The following FLT4 variants were observed in gnomAD, a reference collection of about 807,000 sequenced individuals.
FLT4 encodes vascular endothelial growth factor receptor 3.
In FLT4, 30 loss-of-function variants were observed where a neutral mutation model predicts 163.2. That is an observed-to-expected ratio of 0.18 (90% CI 0.14 to 0.25). The LOEUF is 0.25. FLT4 is among the 10% of genes least tolerant of loss of function. The pLI is 1.00. For synonymous variants in FLT4, 884 were observed against 789.5 expected, an observed-to-expected ratio of 1.12 and a Z score of -2.01; for missense variants, 1,510 against 1,863.8, an observed-to-expected ratio of 0.81 and a Z score of 3.50.
At position 180,621,258 on chromosome 5, in the gene FLT4, G is replaced by A; in HGVS notation, c.2021-6C>T. ...GAGCCGAGGGGCTTCCAGGGCTGGG[G>A]GCAGGGGTCGAGAGGGAGCTAAGTG... is the stretch of plus-strand genomic sequence containing the variant. On this transcript the variant is annotated splice_polypyrimidine_tract_variant and splice_region_variant and intron_variant, in intron 13 of 29. Transcript: ENST00000261937. 1 of 1,611,234 alleles carries A rather than the reference G, an allele frequency of 6.2e-7. No homozygotes were observed. The highest frequency in any genetic ancestry group is 1.7e-5 in the Admixed American group (1 of 59,986).
At chr5:180,628,620 C>T (rs983740549) in intron 8 of FLT4, among the ~76,000 whole-genome samples, 2 of 152,226 alleles carry the variant, frequency 1.3e-5, no homozygotes, top group African/African-American at 2.4e-5. Context: ...AAAAGCCCCT[C>T]GCTGTGCCCA....
intron 28 of FLT4, chr5:180,609,420 C>T: frequency 4.8e-6 from 2 of 414,922 alleles, no homozygotes; most frequent in Non-Finnish European, 9.0e-6. Flanking sequence ...AGGCTGCCTC[C>T]CGGTTTGGGG....
At chr5:180,621,368 G>T (rs1037219869) in intron 13 of FLT4, 116 bp from the exon 14 acceptor site, 1 of 1,426,206 alleles carries the variant, frequency 7.0e-7, no homozygotes, top group Non-Finnish European at 9.5e-7. Context: ...GGGGTTGTGC[G>T]CCGGGCAGGA....
intron 17 of FLT4, 117 bp from the exon 18 acceptor site, chr5:180,619,886 C>T (rs1189121948): frequency 1.3e-6 from 1 of 765,786 alleles, no homozygotes; most frequent in South Asian, 1.6e-5. Context: ...GCAGGAGGAG[C>T]GTGGGGAGCC....
At chr5:180,649,067 G>C (rs1262667026) in intron 1 of FLT4, among the ~76,000 whole-genome samples, 1 of 151,986 alleles carries the variant, frequency 6.6e-6, no homozygotes, top group African/African-American at 2.4e-5. Context: ...ACCCAAGTCC[G>C]GGGCCCGGCC....
chr5:180,623,886 C>T lies in FLT4; in HGVS notation c.1548+49G>A. 1 of 1,610,824 alleles carries T rather than the reference C, an allele frequency of 6.2e-7. No individual in the cohort carries two copies. Among genetic ancestry groups the T allele is most frequent in the Non-Finnish European group, 8.5e-7 (1 of 1,178,040 alleles). On this transcript the variant is annotated intron_variant, in intron 11 of 29. Coordinates refer to ENST00000261937, the MANE Select transcript of FLT4 (RefSeq NM_182925.5). The surrounding 1 kb of genome is among the most constrained non-coding windows in gnomAD (Gnocchi z 5.8). Reference sequence around the variant, plus strand: ...CACATGGCAGTAATGGCCTCTCTCTCCTCCCTTCTCCTTCTCCCTGGGCAC... The same window carrying T: ...CACATGGCAGTAATGGCCTCTCTCTTCTCCCTTCTCCTTCTCCCTGGGCAC...
chr5:180,620,614 T>C lies in FLT4; in HGVS notation c.2401A>G (p.Arg801Gly), dbSNP rs1305114210. ...GAGCGGGGAGGGACACTCACCCTCC[T>C]CATGTTACAGAAGATGAGGAGGAGG... ...VLLLLIFCNM[R>G]RPAHADIKTG... The change falls in exon 16 of 30, where the codon AGG becomes GGG. Residue 801 changes from arginine (R) to glycine (G), a missense_variant. Arg to Gly is a moderately radical substitution (Grantham distance 125). Transcript: ENST00000261937. The surrounding 1 kb of genome is among the most constrained non-coding windows in gnomAD (Gnocchi z 4.4). The C allele has an allele frequency of 8.7e-6, 14 of 1,608,648 alleles. No individual in the cohort carries two copies. Among genetic ancestry groups the C allele is most frequent in the Non-Finnish European group, 1.2e-5 (14 of 1,175,850 alleles).
intron 1 of FLT4, among the ~76,000 whole-genome samples, chr5:180,643,156 C>G (rs1765249289): frequency 6.6e-6 from 1 of 152,240 alleles, no homozygotes; most frequent in Non-Finnish European, 1.5e-5. Flanking sequence ...GTGGGAAACC[C>G]TGCTCTCCCT....
intron 12 of FLT4, among the ~76,000 whole-genome samples, chr5:180,622,428 A>G (rs1418810635): frequency 6.6e-6 from 1 of 152,092 alleles, no homozygotes; most frequent in East Asian, 1.9e-4. Flanking sequence ...CACACGAGTC[A>G]CAAGGTCTCA....
intron 29 of FLT4, among the ~76,000 whole-genome samples, chr5:180,608,508 CTCT>C (rs1293776902): frequency 1.3e-5 from 2 of 152,158 alleles, no homozygotes; most frequent in African/African-American, 4.8e-5. Context: ...TTCTTACGAT[CTCT>C]TATCTCCACA....
intron 29 of FLT4, among the ~76,000 whole-genome samples, chr5:180,607,453 T>C (rs35139110): frequency 0.3 from 45,211 of 151,440 alleles, 6,917 homozygotes; most frequent in Middle Eastern, 0.37. Flanking sequence ...CTGGCTAACA[T>C]GGCGAAACCC....
At position 180,602,525 on chromosome 5, in the gene FLT4, G is replaced by A; in HGVS notation, c.*667C>T. 1 of 399,188 alleles carries A rather than the reference G, an allele frequency of 2.5e-6. No individual in the cohort carries two copies. Among genetic ancestry groups the A allele is most frequent in the Middle Eastern group, 6.3e-4 (1 of 1,584 alleles). 24.7% of individuals were successfully genotyped at this position (399,188 alleles called of 1,614,324 possible). A position where few individuals can be genotyped will look rare whatever the true frequency, so the allele number is the denominator to read the frequency against. Reference sequence around the variant, plus strand: ...TTCTGTTGAAAAAGACTTGCAGGATGGCTCTCAACACCCAGGCGCAGGTGT... The same window carrying A: ...TTCTGTTGAAAAAGACTTGCAGGATAGCTCTCAACACCCAGGCGCAGGTGT... On this transcript the variant is annotated 3_prime_UTR_variant, in exon 30 of 30. Coordinates refer to ENST00000261937, the MANE Select transcript of FLT4 (RefSeq NM_182925.5).
chr5:180,629,658 C>T (rs372686568), intron 6 of FLT4, 38 bp downstream of exon 6: 4 of 1,604,434 alleles, frequency 2.5e-6, no homozygotes, highest in Non-Finnish European at 3.4e-6. Flanking sequence ...ACAGGGACTC[C>T]TGGGGACAGG....
upstream of FLT4, among the ~76,000 whole-genome samples, chr5:180,649,841 T>A (rs935408608): frequency 1.3e-5 from 2 of 152,018 alleles, no homozygotes; most frequent in African/African-American, 2.4e-5. Context: ...CCGGAGGTGA[T>A]GGAGCCTGGT....
At chr5:180,609,118 C>A (rs946528675) in intron 28 of FLT4, 65 bp from the exon 29 acceptor site, 2 of 1,405,796 alleles carry the variant, frequency 1.4e-6, no homozygotes, top group Admixed American at 1.7e-5. Flanking sequence ...GCAGCCACCC[C>A]CAGCCAGGAA....
At position 180,613,089 on chromosome 5, in the gene FLT4, A is replaced by T; in HGVS notation, c.3353T>A (p.Val1118Glu). 2 of 1,613,312 alleles carry T rather than the reference A, an allele frequency of 1.2e-6. No individual in the cohort carries two copies. Among genetic ancestry groups the T allele is most frequent in the Non-Finnish European group, 1.7e-6 (2 of 1,179,662 alleles). ...FSLGASPYPG[V>E]QINEEFCQRL... The stretch of plus-strand genomic sequence containing the variant: ...CTGGCAGAACTCCTCATTGATCTGC[A>T]CCCCAGGGTACGGGGAGGCCCCTGA... Residue 1118 changes from valine (V) to glutamate (E), a missense_variant, in exon 25 of 30, where the codon GTG becomes GAG. Val to Glu is a moderately radical substitution (Grantham distance 121, BLOSUM62 -2). Transcript: ENST00000261937.
intron 19 of FLT4, 29 bp from the exon 20 acceptor site, chr5:180,619,138 G>C (rs773976700): frequency 6.9e-7 from 1 of 1,452,606 alleles, no homozygotes; most frequent in Non-Finnish European, 9.1e-7. Context: ...GCGGCCGTGC[G>C]TTCGGAACCC....
rs776380290 is a variant in FLT4 at position 180,622,755 on chromosome 5, G to A, written c.1633C>T (p.Arg545Trp). The A allele has an allele frequency of 1.9e-6, 3 of 1,611,612 alleles. No individual in the cohort carries two copies. The highest frequency in any genetic ancestry group is 2.5e-6 in the Non-Finnish European group (3 of 1,178,318). ...CTGGTCACATAGAAGTAGATGAGCC[G>A]CTCATCCTGGCCCACCTTGTTGGAG... ...VVSNKVGQDE[R>W]LIYFYVTTIP... Residue 545 changes from arginine to tryptophan, a missense_variant, in exon 12 of 30, where the codon CGG (arginine) becomes TGG (tryptophan). Arg to Trp is a moderately radical substitution (Grantham distance 101). This residue lies in a region of FLT4 where 878 missense variants were observed against 1,016.7 expected (regional missense o/e 0.86). Transcript: ENST00000261937.
At chr5:180,617,022 G>T in intron 21 of FLT4, 28 bp from the exon 22 acceptor site, 1 of 1,568,688 alleles carries the variant, frequency 6.4e-7, no homozygotes, top group Non-Finnish European at 8.8e-7. Flanking sequence ...GTGGGCTCAG[G>T]AGGCGCCTCC....
Sources: allele counts gnomAD v4.1 joint callset (sites outside exome capture counted in the v4.1 genomes callset), GRCh38; gene constraint gnomAD v4.1.1; regional missense constraint gnomAD v4.1.1; non-coding constraint Gnocchi (gnomAD v3.1); transcripts MANE v1.5; gene names NCBI Gene and HGNC (gene_info 2026-07-23, HGNC 2026-07-21).